Variants in PTGS1 observed in about 807,000 individuals in gnomAD.
PTGS1 encodes prostaglandin G/H synthase 1.
In PTGS1, 40 loss-of-function variants were observed where a neutral mutation model predicts 63.0. That is an observed-to-expected ratio of 0.63 (90% CI 0.49 to 0.83). PTGS1 has a LOEUF of 0.83. PTGS1 is among the 40% of genes least tolerant of loss of function. The pLI is 0.00. For synonymous variants in PTGS1, 298 were observed against 301.9 expected, an observed-to-expected ratio of 0.99 and a Z score of 0.13; for missense variants, 709 against 786.5, an observed-to-expected ratio of 0.90 and a Z score of 1.18.
upstream of PTGS1, chr9:122,370,927 C>A: frequency 8.1e-7 from 1 of 1,228,016 alleles, no homozygotes; most frequent in Non-Finnish European, 1.1e-6. Flanking sequence ...CGGGGCTGGG[C>A]AGAGGAAGTA....
chr9:122,378,275 T>A (rs1837298212), intron 3 of PTGS1, among the ~76,000 whole-genome samples, 158 bp from the exon 4 acceptor site: 1 of 152,208 alleles, frequency 6.6e-6, no homozygotes, highest in Admixed American at 6.5e-5. Context: ...TCTGTCTCTG[T>A]CATGTGTCAT....
At chr9:122,376,533 C>G (rs1837176610) in intron 2 of PTGS1, among the ~76,000 whole-genome samples, 1 of 152,156 alleles carries the variant, frequency 6.6e-6, no homozygotes, top group Admixed American at 6.5e-5. Context: ...GTCATGCTCT[C>G]TGATCCTAGC....
At chr9:122,384,086 C>A (rs1055136796) in intron 8 of PTGS1, among the ~76,000 whole-genome samples, 6 of 152,100 alleles carry the variant, frequency 3.9e-5, no homozygotes, top group African/African-American at 1.4e-4. Context: ...GTCTCGGTTT[C>A]CCCTGTGTGC....
At chr9:122,376,220 G>A (rs1837146047) in intron 2 of PTGS1, among the ~76,000 whole-genome samples, 1 of 152,156 alleles carries the variant, frequency 6.6e-6, no homozygotes, top group South Asian at 2.1e-4. Flanking sequence ...GCCTGATAAA[G>A]CCTTTTTGTC....
Position 122,377,986 on chromosome 9 carries a change from C to A in PTGS1, c.182C>A (p.Thr61Lys), listed in dbSNP as rs201806874. Residue 61 changes from threonine (T) to lysine (K), a missense_variant, in exon 3 of 11, where the codon ACG becomes AAG. Thr to Lys is a moderately conservative substitution (Grantham distance 78). Transcript: ENST00000362012. ...CGCTACCAGTGTGACTGCACCCGCA[C>A]GGGCTATTCCGGCCCCAACTGCACC... ...LDRYQCDCTR[T>K]GYSGPNCTIP... 3 of 1,613,432 alleles carry A rather than the reference C, an allele frequency of 1.9e-6. No homozygotes were observed. In the African/African-American group the frequency reaches 4.0e-5, roughly 22 times the overall value.
rs1018431651 is a variant in PTGS1, at chr9:122,395,000, G to C, written c.*2456G>C. The C allele has an allele frequency of 6.6e-6, 1 of 152,346 alleles. No individual in the cohort carries two copies. The highest frequency in any genetic ancestry group is 2.1e-4 in the South Asian group (1 of 4,818). The allele number at this position is 152,346 out of a possible 1,614,324, so 9.4% of individuals were successfully genotyped here. A position where few individuals can be genotyped will look rare whatever the true frequency, so the allele number is the denominator to read the frequency against. On this transcript the variant is annotated 3_prime_UTR_variant, in exon 11 of 11. Coordinates refer to ENST00000362012, the MANE Select transcript of PTGS1 (RefSeq NM_000962.4). ...CTTTTAATCAGTGAAGATGCAATCA[G>C]ACAAGTGTTTTGGAAAGAGCACCCT... is the stretch of plus-strand genomic sequence containing the variant.
At chr9:122,388,061 C>G (rs912478574) in intron 9 of PTGS1, among the ~76,000 whole-genome samples, 7 of 152,152 alleles carry the variant, frequency 4.6e-5, no homozygotes, top group Non-Finnish European at 8.8e-5. Context: ...AAGACATGAA[C>G]AGAGACAATA....
intron 2 of PTGS1, 66 bp downstream of exon 2, chr9:122,371,338 C>T (rs1836791765): frequency 2.5e-6 from 4 of 1,592,792 alleles, no homozygotes; most frequent in Non-Finnish European, 3.4e-6. Context: ...TTTCAACCCC[C>T]TCCTTTCCCC....
chr9:122,371,613 G>A, intron 2 of PTGS1: 1 of 1,431,284 alleles, frequency 7.0e-7, no homozygotes, highest in East Asian at 2.5e-5. Context: ...TTTCCTATAG[G>A]GGCCTCTTTG....
chr9:122,379,223 G>T (rs1460173745), intron 5 of PTGS1, among the ~76,000 whole-genome samples: 1 of 152,176 alleles, frequency 6.6e-6, no homozygotes, highest in African/African-American at 2.4e-5. Flanking sequence ...ATGTAGGAAA[G>T]AATAGTGAGC....
chr9:122,380,395 G>T (rs1360998600), intron 5 of PTGS1, among the ~76,000 whole-genome samples: 1 of 151,942 alleles, frequency 6.6e-6, no homozygotes, highest in Non-Finnish European at 1.5e-5. Context: ...AGCCCAGGAG[G>T]TCGAGGCTGT....
At chr9:122,381,313 C>A in intron 5 of PTGS1, 58 bp from the exon 6 acceptor site, 1 of 1,556,494 alleles carries the variant, frequency 6.4e-7, no homozygotes, top group Non-Finnish European at 8.7e-7. Context: ...CCCAGATGTC[C>A]CCAGGGCAGC....
intron 3 of PTGS1, 63 bp downstream of exon 3, chr9:122,378,078 C>T (rs1225432726): frequency 7.0e-7 from 1 of 1,430,564 alleles, no homozygotes; most frequent in African/African-American, 1.4e-5. Flanking sequence ...CGGGCCCTTT[C>T]TCCTAGACCC....
chr9:122,385,158 A>G (rs1235855239), intron 8 of PTGS1, among the ~76,000 whole-genome samples: 1 of 152,128 alleles, frequency 6.6e-6, no homozygotes, highest in African/African-American at 2.4e-5. Flanking sequence ...GGGTTTTGCC[A>G]TGTTGGCCAG....
intron 2 of PTGS1, chr9:122,375,584 C>CG: frequency 6.5e-6 from 5 of 764,238 alleles, no homozygotes; most frequent in Non-Finnish European, 8.0e-6. Flanking sequence ...TTAAGGGAAG[C>CG]GGGGGTCCCT....
Position 122,386,429 on chromosome 9 carries a change from A to C in PTGS1, c.1010-17A>C, listed in dbSNP as rs1328666414. 2.5e-6 allele frequency: 4 copies of C among 1,611,900 alleles called. No homozygotes were observed. Among genetic ancestry groups the C allele is most frequent in the African/African-American group, 1.3e-5 (1 of 74,892 alleles). Reference sequence around the variant, plus strand: ...ACTGTGCTTGGCTGACCCTATTTCCAATCCTGCCCTGCCCAGGGGAGACCA... The same window carrying C: ...ACTGTGCTTGGCTGACCCTATTTCCCATCCTGCCCTGCCCAGGGGAGACCA... On this transcript the variant is annotated splice_polypyrimidine_tract_variant and intron_variant, in intron 8 of 10. Coordinates refer to ENST00000362012, the MANE Select transcript of PTGS1 (RefSeq NM_000962.4).
At chr9:122,370,630 T>C (rs10306115), upstream of PTGS1, 2,677 of 222,686 alleles carry the variant, frequency 0.012, 58 homozygotes, top group African/African-American at 0.052. Context: ...TTCTAGCCCC[T>C]TTTCTTCTCT....
At chr9:122,377,785 G>T (rs1837264823) in intron 2 of PTGS1, 114 bp from the exon 3 acceptor site, 6 of 904,850 alleles carry the variant, frequency 6.6e-6, no homozygotes, top group Non-Finnish European at 1.1e-5. Flanking sequence ...AGTGATTCAG[G>T]ACGGAGCTGC....
rs201302687 is a variant in PTGS1, at chr9:122,395,442, G to T, written c.*2898G>T. Reference sequence around the variant, plus strand: ...CTAGGTGTGGCTGTGAAGGTATTTTGTAGATGTGATTAACATCTACAATCA... The same window carrying T: ...CTAGGTGTGGCTGTGAAGGTATTTTTTAGATGTGATTAACATCTACAATCA... On this transcript the variant is annotated 3_prime_UTR_variant, in exon 11 of 11. Transcript: ENST00000362012. 1 of 152,106 alleles carries T rather than the reference G, an allele frequency of 6.6e-6. No homozygotes were observed. Among genetic ancestry groups the T allele is most frequent in the Non-Finnish European group, 1.5e-5 (1 of 68,036 alleles). The allele number at this position is 152,106 out of a possible 1,614,324, so 9.4% of individuals were successfully genotyped here. A position where few individuals can be genotyped will look rare whatever the true frequency, so the allele number is the denominator to read the frequency against.
Sources: gnomAD v4.1 joint callset for allele counts (sites outside exome capture counted in the v4.1 genomes callset) on GRCh38, gnomAD v4.1.1 for gene constraint, MANE v1.5 for transcripts, NCBI Gene and HGNC (gene_info 2026-07-23, HGNC 2026-07-21) for gene names.